EPHA6: variants seen among roughly 807,000 people sequenced by gnomAD.
EPHA6 encodes the protein ephrin type-A receptor 6.
A neutral mutation model predicts 112.0 loss-of-function variants in EPHA6; 50 were observed. That is an observed-to-expected ratio of 0.45 (90% CI 0.36 to 0.56). The LOEUF is 0.56. Among genes scored for constraint, EPHA6 ranks in the 20% least tolerant of loss-of-function variants. The pLI is 0.00. For missense variants in EPHA6, 1,280 were observed against 1,417.4 expected, an observed-to-expected ratio of 0.90 and a Z score of 1.56; for synonymous variants, 529 against 490.7, an observed-to-expected ratio of 1.08 and a Z score of -1.03.
intron 6 of EPHA6, among the ~76,000 whole-genome samples, chr3:97,430,144 T>A (rs547970765): frequency 6.6e-6 from 1 of 152,264 alleles, no homozygotes; most frequent in East Asian, 1.9e-4. Context: ...TTCAAACTGA[T>A]GAAAAAATTG....
intron 1 of EPHA6, among the ~76,000 whole-genome samples, chr3:96,844,297 T>A (rs2034937338): frequency 6.6e-6 from 1 of 152,012 alleles, no homozygotes; most frequent in Non-Finnish European, 1.5e-5. Flanking sequence ...ATTGTGTACC[T>A]CAAGTTTCAG....
At chr3:97,187,598 G>T (rs976834290) in intron 3 of EPHA6, among the ~76,000 whole-genome samples, 10 of 101,748 alleles carry the variant, frequency 9.8e-5, no homozygotes, top group African/African-American at 3.6e-4. Context: ...AAAAAAAAAA[G>T]AAAAGAGAAA....
rs549600597 is a variant in EPHA6 at position 97,555,664 on chromosome 3, T to G, written c.2386+23121T>G. Among the ~76,000 whole-genome samples the G allele has an allele frequency of 1.3e-3, 197 of 152,318 alleles. 2 individuals are homozygous for G. In the Middle Eastern group the frequency reaches 0.027, roughly 21 times the overall value. ...TCTCATTGTGGTTTTGATTTGCATTTCTCTGATGGCCAGTGATGGTGAGCA... is the reference window on the plus strand; with the variant it reads ...TCTCATTGTGGTTTTGATTTGCATTGCTCTGATGGCCAGTGATGGTGAGCA... On this transcript the variant is annotated intron_variant, in intron 11 of 17. Transcript: ENST00000389672.
intron 3 of EPHA6, among the ~76,000 whole-genome samples, chr3:97,161,374 A>G (rs560088153): frequency 6.6e-6 from 1 of 152,282 alleles, no homozygotes; most frequent in East Asian, 1.9e-4. Flanking sequence ...CAAAGGCTCT[A>G]AACAGCTTCC....
At position 97,394,817 on chromosome 3, in the gene EPHA6, A is replaced by C. The variant is rs570757382; in HGVS notation, c.1607-10333A>C. Among the ~76,000 whole-genome samples, 7 of 151,918 alleles carry C rather than the reference A, an allele frequency of 4.6e-5. No individual in the cohort carries two copies. The South Asian group carries it at 1.2e-3, about 27-fold the overall frequency. On this transcript the variant is annotated intron_variant, in intron 5 of 17. Transcript: ENST00000389672. ...TATAGAAAAGGAGGAACTCTTATGC[A>C]CTGTTGTTGGGAATGTAAATTAGTA...
chr3:97,414,637 A>G (rs750267249), intron 6 of EPHA6, among the ~76,000 whole-genome samples: 1 of 152,084 alleles, frequency 6.6e-6, no homozygotes, highest in Non-Finnish European at 1.5e-5. Context: ...TGAAAGGGAA[A>G]AAAACCTAAG....
At chr3:96,895,090 G>A (rs977068979) in intron 2 of EPHA6, among the ~76,000 whole-genome samples, 1 of 152,138 alleles carries the variant, frequency 6.6e-6, no homozygotes. Context: ...CCTCAGGCAG[G>A]TTCTTCAGAA....
chr3:97,149,128 G>A (rs982698166), intron 3 of EPHA6, among the ~76,000 whole-genome samples: 1 of 152,018 alleles, frequency 6.6e-6, no homozygotes, highest in Non-Finnish European at 1.5e-5. Flanking sequence ...AAGATGACAG[G>A]TTTTTTTGGC....
At chr3:97,072,682 G>T (rs1300460621) in intron 3 of EPHA6, among the ~76,000 whole-genome samples, 1 of 152,040 alleles carries the variant, frequency 6.6e-6, no homozygotes, top group African/African-American at 2.4e-5. Flanking sequence ...TGTCCAGTTG[G>T]TATTATGGCT....
At chr3:96,984,351 G>T (rs992874958) in intron 2 of EPHA6, among the ~76,000 whole-genome samples, 1 of 152,172 alleles carries the variant, frequency 6.6e-6, no homozygotes, top group Non-Finnish European at 1.5e-5. Context: ...ATCTGCAGTG[G>T]AGGCTGCAGA....
At chr3:97,535,687 A>G (rs1020132322) in intron 11 of EPHA6, among the ~76,000 whole-genome samples, 2 of 152,166 alleles carry the variant, frequency 1.3e-5, no homozygotes, top group Non-Finnish European at 2.9e-5. Context: ...CATAAAAGAT[A>G]ATACTGATCA....
chr3:97,158,732 G>T (rs1251446218), intron 3 of EPHA6, among the ~76,000 whole-genome samples: 2 of 152,210 alleles, frequency 1.3e-5, no homozygotes, highest in East Asian at 3.9e-4. Context: ...AAAATGCAGG[G>T]AATCTGCATT....
chr3:96,990,327 T>A (rs1323582159), intron 3 of EPHA6, among the ~76,000 whole-genome samples: 2 of 152,190 alleles, frequency 1.3e-5, no homozygotes, highest in Non-Finnish European at 2.9e-5. Flanking sequence ...AAGCAGCATC[T>A]GTTTATCTAG....
Position 97,534,288 on chromosome 3 carries a change from G to A in EPHA6, c.2386+1745G>A, listed in dbSNP as rs928651898. The stretch of plus-strand genomic sequence containing the variant: ...ATGTGCTAGCACTTTATACGTATAC[G>A]TTACCATTTCATTCTCACAGCAACC... On this transcript the variant is annotated intron_variant, in intron 11 of 17. Coordinates refer to ENST00000389672, the MANE Select transcript of EPHA6 (RefSeq NM_001080448.3). Among the ~76,000 whole-genome samples, 7 of 151,970 alleles carry A rather than the reference G, an allele frequency of 4.6e-5. 1 individual carries two copies. Among genetic ancestry groups the A allele is most frequent in the African/African-American group, 7.2e-5 (3 of 41,450 alleles).
At chr3:97,015,362 C>G (rs2044229366) in intron 3 of EPHA6, among the ~76,000 whole-genome samples, 2 of 152,106 alleles carry the variant, frequency 1.3e-5, no homozygotes, top group Admixed American at 1.3e-4. Context: ...AACTTTACCC[C>G]AGAAACATAG....
chr3:97,321,549 C>A (rs906805373), intron 5 of EPHA6, among the ~76,000 whole-genome samples: 1 of 151,948 alleles, frequency 6.6e-6, no homozygotes, highest in African/African-American at 2.4e-5. Flanking sequence ...ATTTTCCTTT[C>A]CCCCTACCCT....
intron 10 of EPHA6, among the ~76,000 whole-genome samples, chr3:97,507,661 T>C (rs935754063): frequency 6.6e-6 from 1 of 152,214 alleles, no homozygotes; most frequent in Admixed American, 6.5e-5. Flanking sequence ...GGTATCAGGA[T>C]GATGCTGGCC....
chr3:97,182,179 C>T (rs1315292371), intron 3 of EPHA6, among the ~76,000 whole-genome samples: 3 of 151,944 alleles, frequency 2.0e-5, no homozygotes, highest in Admixed American at 2.0e-4. Flanking sequence ...GTCAGTTTGG[C>T]TTCTATTTCC....
chr3:96,935,409 CAT>C (rs2040527623), intron 2 of EPHA6, among the ~76,000 whole-genome samples: 1 of 151,118 alleles, frequency 6.6e-6, no homozygotes, highest in African/African-American at 2.4e-5. Flanking sequence ...AACATTTACA[CAT>C]ATTTTAACTA....
Sources: gnomAD v4.1 joint callset for allele counts (sites outside exome capture counted in the v4.1 genomes callset) on GRCh38, gnomAD v4.1.1 for gene constraint, MANE v1.5 for transcripts, NCBI Gene and HGNC (gene_info 2026-07-23, HGNC 2026-07-21) for gene names.